Variants in PDCL2 observed in about 807,000 individuals in gnomAD.
PDCL2 encodes the protein phosducin-like protein 2.
Under a neutral mutation model 30.3 loss-of-function variants are expected in PDCL2, and 23 were observed. The observed-to-expected ratio is 0.76, with a 90% confidence interval of 0.55 to 1.08. The LOEUF (loss-of-function observed/expected upper bound fraction) is 1.08. PDCL2 is among the 50% of genes least tolerant of loss of function. The pLI is 0.00. For missense variants in PDCL2, 243 were observed against 282.3 expected (o/e 0.86, Z 1.00); for synonymous variants, 68 against 86.2 (o/e 0.79, Z 1.17).
At position 55,580,906 on chromosome 4, in the gene PDCL2, G is replaced by A. The variant is rs776484155; in HGVS notation, c.133C>T (p.Pro45Ser). 3 of 1,590,574 alleles carry A rather than the reference G, an allele frequency of 1.9e-6. No homozygotes were observed. Among genetic ancestry groups the A allele is most frequent in the South Asian group, 2.3e-5 (2 of 85,610 alleles). Residue 45 changes from proline (P) to serine (S), a missense_variant, in exon 3 of 6, where the codon CCA becomes TCA. Transcript: ENST00000295645. ...TGTGCAAGAGTCATCTTTTCAAATGGTTTCACTAAAACAACATAAATTATA... is the reference window on the plus strand; with the variant it reads ...TGTGCAAGAGTCATCTTTTCAAATGATTTCACTAAAACAACATAAATTATA... ...LRLQKEAMVK[P>S]FEKMTLAQLK...
intron 3 of PDCL2, among the ~76,000 whole-genome samples, chr4:55,572,980 G>A (rs905641422): frequency 9.2e-5 from 14 of 152,048 alleles, no homozygotes; most frequent in African/African-American, 2.9e-4. Flanking sequence ...GGATGGTCTC[G>A]ATCTCCTGAC....
chr4:55,562,927 A>AAAC (rs1553906831), intron 4 of PDCL2, among the ~76,000 whole-genome samples: 16 of 150,058 alleles, frequency 1.1e-4, no homozygotes, highest in Admixed American at 2.0e-4. Context: ...AAAAAAAAAA[A>AAAC]ACAGGACACT....
intron 1 of PDCL2, among the ~76,000 whole-genome samples, chr4:55,584,026 C>T (rs1004955835): frequency 6.6e-6 from 1 of 152,158 alleles, no homozygotes; most frequent in Non-Finnish European, 1.5e-5. Context: ...ATAATTTTTC[C>T]AATCCATGAA....
At chr4:55,566,643 G>A (rs1387656679) in intron 4 of PDCL2, among the ~76,000 whole-genome samples, 1 of 151,654 alleles carries the variant, frequency 6.6e-6, no homozygotes, top group Non-Finnish European at 1.5e-5. Flanking sequence ...GGCCAGGCTG[G>A]TCTTGAACTC....
chr4:55,560,490 C>CTGT (rs927712252), intron 5 of PDCL2, among the ~76,000 whole-genome samples: 1 of 152,076 alleles, frequency 6.6e-6, no homozygotes, highest in African/African-American at 2.4e-5. Context: ...TGGCAGGCAC[C>CTGT]TGTAGTCCCA....
chr4:55,588,048 T>C (rs1732907054), intron 1 of PDCL2, among the ~76,000 whole-genome samples: 1 of 152,232 alleles, frequency 6.6e-6, no homozygotes, highest in African/African-American at 2.4e-5. Flanking sequence ...CTATAGGACT[T>C]TGATGCAGTT....
chr4:55,571,493 C>T (rs2110158784), intron 3 of PDCL2, among the ~76,000 whole-genome samples: 1 of 148,972 alleles, frequency 6.7e-6, no homozygotes, highest in Non-Finnish European at 1.5e-5. Flanking sequence ...CGAGACCATC[C>T]TGGCTAGCAT....
chr4:55,575,370 GA>G (rs957824682), intron 3 of PDCL2, among the ~76,000 whole-genome samples: 8 of 143,842 alleles, frequency 5.6e-5, no homozygotes, highest in Admixed American at 2.8e-4. Context: ...TCAAATCTGA[GA>G]AAAAAAAAAG....
intron 5 of PDCL2, among the ~76,000 whole-genome samples, chr4:55,557,464 C>T (rs1732001123): frequency 6.6e-6 from 1 of 152,044 alleles, no homozygotes; most frequent in Admixed American, 6.6e-5. Context: ...TTAAAACAAA[C>T]CCATTCTCAT....
chr4:55,558,018 G>A (rs12504632), intron 5 of PDCL2, among the ~76,000 whole-genome samples: 45,304 of 149,926 alleles, frequency 0.3, 7,475 homozygotes, highest in East Asian at 0.58. Context: ...CTACTCAGGA[G>A]GCTGAGGCAG....
intron 1 of PDCL2, among the ~76,000 whole-genome samples, chr4:55,590,220 AAG>A (rs1491521124): frequency 4.0e-5 from 6 of 149,792 alleles, no homozygotes; most frequent in Non-Finnish European, 8.9e-5. Flanking sequence ...AAAAAAAAAA[AAG>A]AGTAAGGTTT....
intron 5 of PDCL2, among the ~76,000 whole-genome samples, chr4:55,561,667 G>A (rs929206209): frequency 3.9e-5 from 6 of 152,138 alleles, no homozygotes; most frequent in Non-Finnish European, 8.8e-5. Flanking sequence ...TTGTAAAATC[G>A]AGTTAAAGCA....
At chr4:55,560,687 T>C (rs1312727230) in intron 5 of PDCL2, among the ~76,000 whole-genome samples, 1 of 152,176 alleles carries the variant, frequency 6.6e-6, no homozygotes. Context: ...TGGTCTTGAA[T>C]GTTTATGTCT....
intron 4 of PDCL2, 38 bp downstream of exon 4, chr4:55,569,680 A>G (rs777998645): frequency 2.1e-6 from 3 of 1,420,476 alleles, no homozygotes; most frequent in African/African-American, 2.9e-5. Context: ...CTTTTAAAAT[A>G]GTAGTATATT....
intron 5 of PDCL2, among the ~76,000 whole-genome samples, chr4:55,559,436 A>G (rs1342357821): frequency 4.6e-5 from 7 of 152,208 alleles, no homozygotes; most frequent in African/African-American, 1.7e-4. Context: ...CATATATGAA[A>G]TAAGAGATTC....
chr4:55,573,468 G>A (rs1247788171), intron 3 of PDCL2, among the ~76,000 whole-genome samples: 1 of 152,040 alleles, frequency 6.6e-6, no homozygotes, highest in Non-Finnish European at 1.5e-5. Flanking sequence ...ACAGAGATGA[G>A]GCCTGGCGTC....
intron 4 of PDCL2, 59 bp from the exon 5 acceptor site, chr4:55,562,671 T>A: frequency 1.7e-6 from 2 of 1,184,616 alleles, no homozygotes; most frequent in Non-Finnish European, 2.3e-6. Flanking sequence ...CTCAGTCTAA[T>A]GAAATAAGTA....
intron 5 of PDCL2, among the ~76,000 whole-genome samples, chr4:55,559,852 T>C (rs1048544265): frequency 6.6e-6 from 1 of 152,328 alleles, no homozygotes; most frequent in Admixed American, 6.5e-5. Context: ...GAGGACATTA[T>C]GCTAAGTGGA....
intron 3 of PDCL2, among the ~76,000 whole-genome samples, chr4:55,573,159 T>A (rs1358895752): frequency 1.3e-5 from 2 of 152,192 alleles, no homozygotes; most frequent in African/African-American, 2.4e-5. Context: ...CTGAGAAATA[T>A]CCTTTTAGTT....
Sources: allele counts gnomAD v4.1 joint callset (sites outside exome capture counted in the v4.1 genomes callset), GRCh38; gene constraint gnomAD v4.1.1; transcripts MANE v1.5; gene names NCBI Gene and HGNC (gene_info 2026-07-23, HGNC 2026-07-21).